Variants in EFR3A observed in about 807,000 individuals in gnomAD.
The protein encoded by EFR3A is protein EFR3 homolog A.
EFR3A carries 76 observed loss-of-function variants against 104.4 expected under a neutral mutation model. The ratio of observed to expected loss-of-function variants is 0.73; its 90% CI spans 0.60 to 0.88. The LOEUF (loss-of-function observed/expected upper bound fraction) is 0.88, where lower values mean the gene tolerates loss of function less well. EFR3A is among the 40% of genes least tolerant of loss of function. The pLI is 0.00. For synonymous variants in EFR3A, 330 were observed against 330.0 expected (o/e 1.00, Z 0.00); for missense variants, 985 against 1,012.5 (o/e 0.97, Z 0.37).
intron 17 of EFR3A, 96 bp downstream of exon 17, chr8:131,986,357 G>C (rs1479794737): frequency 2.4e-5 from 14 of 577,900 alleles, no homozygotes; most frequent in African/African-American, 3.9e-5. Context: ...AATAATTCCT[G>C]GTGCTTTATA....
At chr8:131,954,536 T>C (rs1818878150) in intron 6 of EFR3A, among the ~76,000 whole-genome samples, 1 of 151,764 alleles carries the variant, frequency 6.6e-6, no homozygotes, top group Admixed American at 6.6e-5. Flanking sequence ...GTTAGAATTC[T>C]GTACTTTATT....
At position 131,941,176 on chromosome 8, in the gene EFR3A, C is replaced by T. The variant is rs182864454; in HGVS notation, c.87+601C>T. ...ACTGAGAGGTAAAGAAAGATTGTTT[C>T]AGGCAGAGTTTTTCTTTTTACTTAA... is the stretch of plus-strand genomic sequence containing the variant. On this transcript the variant is annotated intron_variant, in intron 2 of 22. Transcript: ENST00000254624. Among the ~76,000 whole-genome samples the T allele has an allele frequency of 1.8e-3, 278 of 152,104 alleles. 2 individuals are homozygous for T. The highest frequency in any genetic ancestry group is 6.5e-3 in the African/African-American group (270 of 41,536).
At chr8:132,005,741 A>G (rs1296196483) in intron 22 of EFR3A, among the ~76,000 whole-genome samples, 1 of 152,190 alleles carries the variant, frequency 6.6e-6, no homozygotes, top group Non-Finnish European at 1.5e-5. Context: ...CAGAAAGGAT[A>G]TAAGATTTGA....
At chr8:131,923,483 T>C (rs1416851439) in intron 1 of EFR3A, among the ~76,000 whole-genome samples, 1 of 151,708 alleles carries the variant, frequency 6.6e-6, no homozygotes, top group Non-Finnish European at 1.5e-5. Flanking sequence ...TAAAAAGGCA[T>C]CTGGGAAAAT....
At chr8:131,978,780 G>C (rs2130733078) in intron 12 of EFR3A, 67 bp from the exon 13 acceptor site, 1 of 1,215,550 alleles carries the variant, frequency 8.2e-7, no homozygotes, top group Non-Finnish European at 1.1e-6. Context: ...TCTTATAAAA[G>C]AATATGAGAA....
At chr8:131,972,832 A>G (rs1247745346) in intron 10 of EFR3A, among the ~76,000 whole-genome samples, 1 of 152,214 alleles carries the variant, frequency 6.6e-6, no homozygotes, top group East Asian at 1.9e-4. Context: ...ACTTATTTAT[A>G]ATAATCCTTT....
At chr8:131,972,836 A>G (rs1586631629) in intron 10 of EFR3A, among the ~76,000 whole-genome samples, 1 of 152,174 alleles carries the variant, frequency 6.6e-6, no homozygotes, top group East Asian at 1.9e-4. Flanking sequence ...ATTTATAATA[A>G]TCCTTTGGGA....
At chr8:131,945,020 A>G (rs1818363856) in intron 3 of EFR3A, 148 bp downstream of exon 3, 1 of 944,272 alleles carries the variant, frequency 1.1e-6, no homozygotes, top group African/African-American at 1.7e-5. Flanking sequence ...GAAATATATA[A>G]TACTCCAATA....
At chr8:131,937,697 A>G (rs10956624) in intron 1 of EFR3A, among the ~76,000 whole-genome samples, 74,417 of 151,898 alleles carry the variant, frequency 0.49, 18,391 homozygotes, top group Middle Eastern at 0.57. Flanking sequence ...GAACTACAAT[A>G]TAGAATTAAA....
At chr8:131,960,727 T>C (rs545288353) in intron 8 of EFR3A, among the ~76,000 whole-genome samples, 5 of 152,320 alleles carry the variant, frequency 3.3e-5, no homozygotes, top group Non-Finnish European at 7.4e-5. Context: ...TAGTTTCAAA[T>C]ATAGTAAGGC....
At chr8:131,908,932 G>A (rs1478749703) in intron 1 of EFR3A, among the ~76,000 whole-genome samples, 1 of 152,190 alleles carries the variant, frequency 6.6e-6, no homozygotes, top group Non-Finnish European at 1.5e-5. Context: ...GTAACAATCA[G>A]GTCAGGGTAT....
chr8:131,999,289 T>G (rs1487807872), intron 19 of EFR3A, among the ~76,000 whole-genome samples: 1 of 152,160 alleles, frequency 6.6e-6, no homozygotes, highest in Non-Finnish European at 1.5e-5. Flanking sequence ...TTTCCCCAAA[T>G]GCAACTGGAG....
intron 14 of EFR3A, among the ~76,000 whole-genome samples, chr8:131,982,486 T>A (rs1820665290): frequency 6.6e-6 from 1 of 152,122 alleles, no homozygotes; most frequent in Admixed American, 6.6e-5. Context: ...CTCCCATTTC[T>A]CCAAGGCCTG....
At chr8:131,983,031 G>T (rs6471020) in intron 14 of EFR3A, among the ~76,000 whole-genome samples, 2 of 151,938 alleles carry the variant, frequency 1.3e-5, no homozygotes, top group Non-Finnish European at 2.9e-5. Flanking sequence ...GCCTCCTTAC[G>T]GGGATGGGAC....
intron 10 of EFR3A, among the ~76,000 whole-genome samples, chr8:131,975,376 T>C (rs941601516): frequency 3.3e-5 from 5 of 151,314 alleles, no homozygotes; most frequent in African/African-American, 1.2e-4. Context: ...TCATCAGAAA[T>C]ACTACCAAAA....
At chr8:131,913,633 C>T (rs983895231) in intron 1 of EFR3A, among the ~76,000 whole-genome samples, 10 of 151,998 alleles carry the variant, frequency 6.6e-5, no homozygotes, top group Non-Finnish European at 1.5e-4. Context: ...TTGTTATTAC[C>T]TGAACTCCAG....
Position 132,011,202 on chromosome 8 carries a change from A to C in EFR3A, c.*307A>C. 9.7e-7 allele frequency: 1 copy of C among 1,027,978 alleles called. No homozygotes were observed. Among genetic ancestry groups the C allele is most frequent in the Non-Finnish European group, 1.2e-6 (1 of 855,884 alleles). 63.7% of individuals were successfully genotyped at this position (1,027,978 alleles called of 1,614,324 possible). On this transcript the variant is annotated 3_prime_UTR_variant, in exon 23 of 23. Coordinates refer to ENST00000254624, the MANE Select transcript of EFR3A (RefSeq NM_015137.6). Reference sequence around the variant, plus strand: ...TATGTTTTAAACTTTTCACAAATGTAATGTTTTTTAAAAAGTAAGCCTTCA... The same window carrying C: ...TATGTTTTAAACTTTTCACAAATGTCATGTTTTTTAAAAAGTAAGCCTTCA...
In EFR3A at chr8:131,968,346, C is replaced by G. The variant is rs922734695; in HGVS notation, c.907C>G (p.Arg303Gly). 3.7e-6 allele frequency: 6 copies of G among 1,613,168 alleles called. No individual in the cohort carries two copies. Among genetic ancestry groups the G allele is most frequent in the South Asian group, 2.2e-5 (2 of 91,034 alleles). ...IQEILGHLDA[R>G]KKDAPRVRAG... ...GGAGATTCTAGGACACCTTGATGCT[C>G]GTAAAAAAGATGCTCCCCGGGTTCG... Residue 303 changes from arginine to glycine, a missense_variant, in exon 9 of 23, where the codon CGT becomes GGT. Physicochemically the swap from Arg to Gly is moderately radical, Grantham distance 125 (BLOSUM62 -2). Transcript: ENST00000254624.
intron 22 of EFR3A, among the ~76,000 whole-genome samples, chr8:132,006,122 C>A (rs992240813): frequency 2.6e-5 from 4 of 152,056 alleles, no homozygotes; most frequent in African/African-American, 9.7e-5. Context: ...TCTTTAGATG[C>A]TTTTGCTTGC....
Sources: gnomAD v4.1 joint callset for allele counts (sites outside exome capture counted in the v4.1 genomes callset) on GRCh38, gnomAD v4.1.1 for gene constraint, MANE v1.5 for transcripts, NCBI Gene and HGNC (gene_info 2026-07-23, HGNC 2026-07-21) for gene names.